Variants in NT5C1A observed in about 807,000 individuals in gnomAD.
The protein encoded by NT5C1A is 5'-nucleotidase, cytosolic IA.
NT5C1A carries 18 observed loss-of-function variants against 31.0 expected under a neutral mutation model. The observed-to-expected ratio is 0.58, with a 90% CI of 0.40 to 0.86. NT5C1A has a LOEUF of 0.86. Ranked by LOEUF, NT5C1A falls within the 40% of genes least tolerant of loss-of-function variation. The pLI is 0.00. For synonymous variants in NT5C1A, 185 were observed against 203.6 expected (o/e 0.91, Z 0.78); for missense variants, 470 against 505.4 (o/e 0.93, Z 0.67).
chr1:39,665,399 G>A, intron 3 of NT5C1A, 122 bp downstream of exon 3: 2 of 895,900 alleles, frequency 2.2e-6, no homozygotes, highest in South Asian at 2.6e-5. Flanking sequence ...GAATTTACCA[G>A]CACACACTGG....
chr1:39,669,190 G>A (rs991718712), intron 1 of NT5C1A, among the ~76,000 whole-genome samples: 5 of 152,218 alleles, frequency 3.3e-5, no homozygotes, highest in Non-Finnish European at 2.9e-5. Flanking sequence ...CTGCCTTTCA[G>A]GGTCAGGCTG....
At position 39,657,691 on chromosome 1, in the gene NT5C1A, C is replaced by T. The variant is rs1646470806; in HGVS notation, c.*1430G>A. On this transcript the variant is annotated 3_prime_UTR_variant, in exon 6 of 6. Transcript: ENST00000235628. ...AGTGGTGAAGAAGGGGCCGCAGGGG[C>T]TCTTGCAAATGTGGAGGATCCGCTG... Among the ~76,000 whole-genome samples, 1 of 152,198 alleles carries T rather than the reference C, an allele frequency of 6.6e-6. No homozygotes were observed. The highest frequency in any genetic ancestry group is 2.4e-5 in the African/African-American group (1 of 41,454).
intron 4 of NT5C1A, among the ~76,000 whole-genome samples, chr1:39,662,396 T>C (rs1232284563): frequency 6.6e-6 from 1 of 152,080 alleles, no homozygotes; most frequent in Non-Finnish European, 1.5e-5. Flanking sequence ...CTCCCTAGCC[T>C]GAGGTCAAGT....
chr1:39,663,220 C>A (rs922387751), intron 4 of NT5C1A, 92 bp downstream of exon 4: 1 of 1,482,736 alleles, frequency 6.7e-7, no homozygotes, highest in Non-Finnish European at 9.4e-7. Context: ...ATGGCAACTC[C>A]CAGCACCTGC....
In NT5C1A at chr1:39,661,157, C is replaced by T. The variant is rs780431031; in HGVS notation, c.663G>A (p.Ser221=). The change falls in exon 5 of 6, where the codon TCG becomes TCA. Residue 221 remains serine, a synonymous_variant. Coordinates refer to ENST00000235628, the MANE Select transcript of NT5C1A (RefSeq NM_032526.3). ...GCCCGTGGGCCTTGACGATGCGCTC[C>T]GACTCGTCCGAGAAGAGCACGGCGT... is the stretch of plus-strand genomic sequence containing the variant. ...DGDAVLFSDE[S]ERIVKAHGLD... is the part of the protein sequence containing the mutation. 19 of 1,605,174 alleles carry T rather than the reference C, an allele frequency of 1.2e-5. No individual in the cohort carries two copies. Among genetic ancestry groups the T allele is most frequent in the African/African-American group, 4.0e-5 (3 of 74,786 alleles).
At position 39,652,537 on chromosome 1, in the gene NT5C1A, T is replaced by G. The variant is rs1646437986; in HGVS notation, c.*6584A>C. On this transcript the variant is annotated 3_prime_UTR_variant, in exon 6 of 6. Transcript: ENST00000235628. Reference sequence around the variant, plus strand: ...CCCAGGCATCCAGTCTAGGGTGACCTCAGTGATTTTCTTGGTGGCTTCTTG... The same window carrying G: ...CCCAGGCATCCAGTCTAGGGTGACCGCAGTGATTTTCTTGGTGGCTTCTTG... 6.6e-6 allele frequency among the ~76,000 whole-genome samples: 1 copy of G among 152,094 alleles called. No individual in the cohort carries two copies. The highest frequency in any genetic ancestry group is 2.4e-5 in the African/African-American group (1 of 41,404).
At chr1:39,660,554 A>G (rs528273706) in intron 5 of NT5C1A, among the ~76,000 whole-genome samples, 20 of 152,012 alleles carry the variant, frequency 1.3e-4, no homozygotes, top group Non-Finnish European at 2.6e-4. Context: ...CCCTACCCCA[A>G]TGAGGCGCCC....
chr1:39,671,317 C>T (rs1005677114), intron 1 of NT5C1A, among the ~76,000 whole-genome samples: 2 of 152,220 alleles, frequency 1.3e-5, no homozygotes, highest in African/African-American at 4.8e-5. Flanking sequence ...CAGAGTCCAG[C>T]GCTGGGAGCC....
In NT5C1A at chr1:39,665,566, G is replaced by C; in HGVS notation, c.388C>G (p.His130Asp). 6.2e-7 allele frequency: 1 copy of C among 1,613,590 alleles called. No homozygotes were observed. The highest frequency in any genetic ancestry group is 1.1e-5 in the South Asian group (1 of 91,066). The change falls in exon 3 of 6, where the codon CAT becomes GAT. Residue 130 changes from histidine (H) to aspartate (D), a missense_variant. Physicochemically the swap from His to Asp is moderately conservative, Grantham distance 81 (BLOSUM62 -1). Coordinates refer to ENST00000235628, the MANE Select transcript of NT5C1A (RefSeq NM_032526.3). ...VFDIVLMTNN[H>D]AQVGVRLINS... ...ATGAGGCGGACACCCACTTGAGCAT[G>C]GTTGTTAGTCATGAGGACGATGTCG...
intron 3 of NT5C1A, among the ~76,000 whole-genome samples, chr1:39,664,391 C>A (rs1218816243): frequency 6.8e-6 from 1 of 146,510 alleles, no homozygotes; most frequent in South Asian, 2.3e-4. Context: ...TCGTGATCCC[C>A]CGCCTCGGCC....
intron 2 of NT5C1A, 97 bp downstream of exon 2, chr1:39,665,972 G>C (rs149911194): frequency 1.1e-5 from 13 of 1,174,638 alleles, no homozygotes; most frequent in Non-Finnish European, 1.6e-5. Flanking sequence ...CATCTGCCCA[G>C]AGGGGCCCTT....
intron 1 of NT5C1A, among the ~76,000 whole-genome samples, chr1:39,667,547 C>G (rs1646529937): frequency 6.6e-6 from 1 of 152,182 alleles, no homozygotes; most frequent in Non-Finnish European, 1.5e-5. Flanking sequence ...ACCTTGCATT[C>G]TTGCCTCTCC....
At chr1:39,667,983 G>T (rs1224062678) in intron 1 of NT5C1A, among the ~76,000 whole-genome samples, 1 of 152,222 alleles carries the variant, frequency 6.6e-6, no homozygotes, top group African/African-American at 2.4e-5. Context: ...AAGGTCATGT[G>T]GTAGACCTCA....
At position 39,666,308 on chromosome 1, in the gene NT5C1A, C is replaced by T. The variant is rs897835380; in HGVS notation, c.136-72G>A. On this transcript the variant is annotated intron_variant, in intron 1 of 5. Transcript: ENST00000235628. Reference sequence around the variant, plus strand: ...GAGGCAGGCTCACATGTGTGAGTCTCCCTGGGTAGTGAGGACATGGAGAAG... The same window carrying T: ...GAGGCAGGCTCACATGTGTGAGTCTTCCTGGGTAGTGAGGACATGGAGAAG... The T allele has an allele frequency of 5.4e-6, 8 of 1,468,432 alleles. No homozygotes were observed. The East Asian group carries it at 1.8e-4, about 33-fold the overall frequency. The allele number at this position is 1,468,432 out of a possible 1,614,324, so 91.0% of individuals were successfully genotyped here.
chr1:39,665,525 G>T lies in NT5C1A; in HGVS notation c.429C>A (p.His143Gln). The change falls in exon 3 of 6, where the codon CAC becomes CAA. Residue 143 changes from histidine (H) to glutamine (Q), a missense_variant. Coordinates refer to ENST00000235628, the MANE Select transcript of NT5C1A (RefSeq NM_032526.3). ...CATCCTCATGCTCATGCTCACCATA[G>T]TGGTTGATACTGTTGATGAGGCGGA... Reference protein sequence around the residue: ...VGVRLINSINHYDLFIERFCM... With the variant: ...VGVRLINSINQYDLFIERFCM... The T allele has an allele frequency of 1.2e-6, 2 of 1,612,120 alleles. No individual in the cohort carries two copies. The highest frequency in any genetic ancestry group is 2.7e-5 in the African/African-American group (2 of 75,014).
intron 5 of NT5C1A, among the ~76,000 whole-genome samples, chr1:39,660,270 C>T (rs1283964378): frequency 2.6e-5 from 4 of 152,144 alleles, no homozygotes; most frequent in African/African-American, 7.2e-5. Flanking sequence ...GGAGCCACAG[C>T]GGAAGCCTGC....
At chr1:39,661,489 G>C (rs1309777516) in intron 4 of NT5C1A, among the ~76,000 whole-genome samples, 2 of 152,248 alleles carry the variant, frequency 1.3e-5, no homozygotes, top group Non-Finnish European at 2.9e-5. Flanking sequence ...GCCTTGCCAG[G>C]TTACCCTGTT....
At chr1:39,671,743 A>C (rs957216566) in intron 1 of NT5C1A, among the ~76,000 whole-genome samples, 161 bp downstream of exon 1, 1 of 152,028 alleles carries the variant, frequency 6.6e-6, no homozygotes, top group African/African-American at 2.4e-5. Flanking sequence ...CAGAGCTCCC[A>C]AAATAAACCC....
Position 39,671,928 on chromosome 1 carries a change from G to C in NT5C1A, c.111C>G (p.Leu37=). 1 of 1,613,542 alleles carries C rather than the reference G, an allele frequency of 6.2e-7. No homozygotes were observed. Residue 37 remains leucine, a synonymous_variant, in exon 1 of 6, where the codon CTC becomes CTG. Transcript: ENST00000235628. ...CCGATTTGGGTTTCTTCTTGGGCGC[G>C]AGGTTGTCGTAGAAAATCTTGGCTT... ...WEEAKIFYDN[L]APKKKPKSPK...
Sources: gnomAD v4.1 joint callset for allele counts (sites outside exome capture counted in the v4.1 genomes callset) on GRCh38, gnomAD v4.1.1 for gene constraint, MANE v1.5 for transcripts, NCBI Gene and HGNC (gene_info 2026-07-23, HGNC 2026-07-21) for gene names.